The following SUPT3H variants were observed in gnomAD, a reference collection of about 807,000 sequenced individuals.
SUPT3H encodes the protein transcription initiation protein SPT3 homolog.
SUPT3H carries 44 observed loss-of-function variants against 44.3 expected under a neutral mutation model. The ratio of observed to expected loss-of-function variants is 0.99; its 90% CI spans 0.78 to 1.28. The LOEUF (loss-of-function observed/expected upper bound fraction) is 1.28, where lower values mean the gene tolerates loss of function less well. Among genes scored for constraint, SUPT3H ranks in the 50% most tolerant of loss-of-function variants. The probability of loss-of-function intolerance (pLI) is 0.00; values close to 1 mark genes in which losing one functional copy is unlikely to be tolerated. For synonymous variants in SUPT3H, 124 were observed against 125.6 expected, an observed-to-expected ratio of 0.99 and a Z score of 0.09; for missense variants, 380 against 387.1, an observed-to-expected ratio of 0.98 and a Z score of 0.15.
At chr6:45,333,084 A>C (rs1787836020) in intron 2 of SUPT3H, among the ~76,000 whole-genome samples, 1 of 151,726 alleles carries the variant, frequency 6.6e-6, no homozygotes, top group African/African-American at 2.4e-5. Context: ...AGCATGTGAA[A>C]ATTCTTCATC....
intron 2 of SUPT3H, among the ~76,000 whole-genome samples, chr6:45,192,580 A>G (rs1475657878): frequency 1.3e-5 from 2 of 152,198 alleles, no homozygotes; most frequent in Non-Finnish European, 2.9e-5. Context: ...AATTGTATTA[A>G]TAAGCTATTT....
chr6:44,957,748 C>T (rs1019979534), intron 7 of SUPT3H, among the ~76,000 whole-genome samples: 4 of 151,366 alleles, frequency 2.6e-5, no homozygotes, highest in Non-Finnish European at 5.9e-5. Context: ...TTAGCAGACT[C>T]ACAAGAAATA....
chr6:45,278,083 T>C (rs1584643535), intron 2 of SUPT3H, among the ~76,000 whole-genome samples: 1 of 124,502 alleles, frequency 8.0e-6, no homozygotes, highest in South Asian at 2.5e-4. Context: ...CAATAACACA[T>C]GGACACAGCG....
chr6:44,948,525 A>G (rs2153471535), intron 9 of SUPT3H, among the ~76,000 whole-genome samples: 1 of 152,340 alleles, frequency 6.6e-6, no homozygotes, highest in South Asian at 2.1e-4. Flanking sequence ...ATCTACAAAG[A>G]ACTTAAACAA....
At chr6:45,029,069 T>G (rs995117039) in intron 3 of SUPT3H, among the ~76,000 whole-genome samples, 1 of 151,918 alleles carries the variant, frequency 6.6e-6, no homozygotes, top group African/African-American at 2.4e-5. Flanking sequence ...TTTAAGGTAT[T>G]TGACGTAGTA....
chr6:44,869,927 T>G (rs571193326), intron 10 of SUPT3H, among the ~76,000 whole-genome samples: 1 of 152,154 alleles, frequency 6.6e-6, no homozygotes, highest in African/African-American at 2.4e-5. Context: ...AGAAACAATA[T>G]CTCTTTTCAT....
intron 2 of SUPT3H, among the ~76,000 whole-genome samples, chr6:45,223,556 C>T (rs1193100246): frequency 6.6e-6 from 1 of 151,780 alleles, no homozygotes; most frequent in Non-Finnish European, 1.5e-5. Flanking sequence ...ATAAATCATA[C>T]CCTACAAAGC....
intron 3 of SUPT3H, among the ~76,000 whole-genome samples, chr6:45,027,221 G>T (rs561945569): frequency 6.6e-6 from 1 of 152,036 alleles, no homozygotes; most frequent in South Asian, 2.1e-4. Flanking sequence ...GAACTTCTGG[G>T]CTCAAGTAAT....
At chr6:45,035,464 G>A (rs1453769006) in intron 3 of SUPT3H, among the ~76,000 whole-genome samples, 1 of 152,100 alleles carries the variant, frequency 6.6e-6, no homozygotes, top group African/African-American at 2.4e-5. Flanking sequence ...AATCTGAAAA[G>A]TACTAGCACT....
chr6:44,915,280 T>C (rs1380646668), intron 10 of SUPT3H, among the ~76,000 whole-genome samples: 3 of 152,200 alleles, frequency 2.0e-5, no homozygotes, highest in Non-Finnish European at 4.4e-5. Context: ...AGTATGTAAC[T>C]ATCAGATGCT....
chr6:45,322,105 C>T (rs1313938435), intron 2 of SUPT3H, among the ~76,000 whole-genome samples: 1 of 151,862 alleles, frequency 6.6e-6, no homozygotes, highest in Non-Finnish European at 1.5e-5. Context: ...TTATAAAAGT[C>T]TAGAGTGATC....
At chr6:45,212,143 G>C (rs960710947) in intron 2 of SUPT3H, among the ~76,000 whole-genome samples, 8 of 152,116 alleles carry the variant, frequency 5.3e-5, no homozygotes, top group African/African-American at 1.9e-4. Context: ...TCCAGCCACA[G>C]AGCAAGACTC....
At chr6:44,928,001 G>A (rs1769804287) in intron 10 of SUPT3H, among the ~76,000 whole-genome samples, 1 of 152,068 alleles carries the variant, frequency 6.6e-6, no homozygotes. Flanking sequence ...AATTTATTAA[G>A]AGCTTAGTTC....
At chr6:44,862,692 T>A (rs976442095) in intron 10 of SUPT3H, among the ~76,000 whole-genome samples, 6 of 120,556 alleles carry the variant, frequency 5.0e-5, no homozygotes, top group African/African-American at 1.2e-4. Context: ...AAAAAAAAAA[T>A]TAATATTAAA....
chr6:44,996,547 G>T (rs575355581), intron 6 of SUPT3H, among the ~76,000 whole-genome samples: 2 of 151,814 alleles, frequency 1.3e-5, no homozygotes, highest in Non-Finnish European at 3.0e-5. Flanking sequence ...TTTTAATAGA[G>T]TCTATTTCCT....
chr6:45,175,713 A>T (rs1435356301), intron 2 of SUPT3H, among the ~76,000 whole-genome samples: 5 of 27,684 alleles, frequency 1.8e-4, no homozygotes, highest in Non-Finnish European at 3.0e-4. Context: ...AAGTGATATT[A>T]AAAAAAAATG....
intron 11 of SUPT3H, among the ~76,000 whole-genome samples, chr6:44,818,315 G>T (rs568847546): frequency 6.6e-6 from 1 of 151,934 alleles, no homozygotes; most frequent in South Asian, 2.1e-4. Flanking sequence ...CATATACAAA[G>T]TCAAAATAAA....
At chr6:45,291,276 G>T (rs1780276405) in intron 2 of SUPT3H, among the ~76,000 whole-genome samples, 1 of 152,142 alleles carries the variant, frequency 6.6e-6, no homozygotes, top group African/African-American at 2.4e-5. Flanking sequence ...ACACCTCATG[G>T]GACAAAAGAA....
chr6:45,255,030 A>G (rs1584516044), intron 2 of SUPT3H, among the ~76,000 whole-genome samples: 1 of 152,316 alleles, frequency 6.6e-6, no homozygotes, highest in African/African-American at 2.4e-5. Context: ...TAATCCTTAT[A>G]TTACTTAATA....
Sources: gnomAD v4.1 joint callset for allele counts (sites outside exome capture counted in the v4.1 genomes callset) on GRCh38, gnomAD v4.1.1 for gene constraint, MANE v1.5 for transcripts, NCBI Gene and HGNC (gene_info 2026-07-23, HGNC 2026-07-21) for gene names.